DIAPH3: variants seen among roughly 807,000 people sequenced by gnomAD.
DIAPH3 encodes protein diaphanous homolog 3.
Under a neutral mutation model 144.3 loss-of-function variants are expected in DIAPH3, and 117 were observed. The observed-to-expected ratio is 0.81, with a 90% CI of 0.70 to 0.95. DIAPH3 has a LOEUF of 0.95. DIAPH3 is among the 40% of genes least tolerant of loss of function. DIAPH3 has a pLI of 0.00. For missense variants in DIAPH3, 1,421 were observed against 1,412.7 expected (o/e 1.01, Z -0.09); for synonymous variants, 519 against 488.9 (o/e 1.06, Z -0.81).
At chr13:59,863,254 C>A (rs1384912902) in intron 21 of DIAPH3, among the ~76,000 whole-genome samples, 1 of 151,644 alleles carries the variant, frequency 6.6e-6, no homozygotes, top group Non-Finnish European at 1.5e-5. Context: ...ATTAAGTAAT[C>A]ATTTAGAGCA....
At chr13:60,010,508 A>T (rs1478794300) in intron 8 of DIAPH3, 25 bp downstream of exon 8, 2 of 1,545,344 alleles carry the variant, frequency 1.3e-6, no homozygotes, top group Non-Finnish European at 1.8e-6. Context: ...TTATATAATT[A>T]GGGGAATATG....
intron 4 of DIAPH3, among the ~76,000 whole-genome samples, chr13:60,076,102 A>G (rs1331048063): frequency 2.0e-5 from 3 of 152,208 alleles, no homozygotes; most frequent in African/African-American, 4.8e-5. Flanking sequence ...TGTTCCAACC[A>G]TAAGTCTAAT....
chr13:60,078,259 A>C (rs181688780), intron 4 of DIAPH3, among the ~76,000 whole-genome samples: 59 of 152,284 alleles, frequency 3.9e-4, no homozygotes, highest in African/African-American at 1.3e-3. Flanking sequence ...CTACTAACTC[A>C]ATAGGCAAAA....
At chr13:59,711,705 A>T (rs2034754492) in intron 27 of DIAPH3, among the ~76,000 whole-genome samples, 1 of 152,210 alleles carries the variant, frequency 6.6e-6, no homozygotes, top group East Asian at 1.9e-4. Flanking sequence ...GAACTTAATA[A>T]TTTTTGGCCT....
intron 2 of DIAPH3, among the ~76,000 whole-genome samples, chr13:60,113,791 A>T (rs2058632117): frequency 6.6e-6 from 1 of 152,222 alleles, no homozygotes; most frequent in Admixed American, 6.5e-5. Flanking sequence ...AGCCAGCCAA[A>T]TATTTAAGGA....
chr13:60,147,203 A>C (rs1484240576), intron 1 of DIAPH3: 1 of 152,234 alleles, frequency 6.6e-6, no homozygotes, highest in Non-Finnish European at 1.5e-5. Flanking sequence ...CAAGAATACC[A>C]TAGGAAAATT....
chr13:59,746,195 C>A (rs1301801421), intron 27 of DIAPH3, among the ~76,000 whole-genome samples: 1 of 152,014 alleles, frequency 6.6e-6, no homozygotes, highest in Non-Finnish European at 1.5e-5. Flanking sequence ...CAAGTACCAA[C>A]AAGAAAAATA....
At chr13:59,734,686 C>A (rs1385667734) in intron 27 of DIAPH3, among the ~76,000 whole-genome samples, 1 of 152,158 alleles carries the variant, frequency 6.6e-6, no homozygotes, top group African/African-American at 2.4e-5. Context: ...TAGCAACGAC[C>A]CAGTCCCTGC....
intron 21 of DIAPH3, among the ~76,000 whole-genome samples, chr13:59,864,196 A>C (rs1373871407): frequency 6.6e-6 from 1 of 152,080 alleles, no homozygotes; most frequent in African/African-American, 2.4e-5. Flanking sequence ...GTTTCGTTAC[A>C]ATCCTATAAT....
At chr13:60,090,653 T>C (rs534136924) in intron 4 of DIAPH3, among the ~76,000 whole-genome samples, 14 of 152,314 alleles carry the variant, frequency 9.2e-5, no homozygotes, top group African/African-American at 2.9e-4. Context: ...GCTTTTTCAA[T>C]AGTCATTAAT....
intron 27 of DIAPH3, among the ~76,000 whole-genome samples, chr13:59,746,961 A>G (rs1372645500): frequency 6.6e-6 from 1 of 152,216 alleles, no homozygotes; most frequent in African/African-American, 2.4e-5. Flanking sequence ...CACAAGTTAT[A>G]AAATCATAAT....
intron 4 of DIAPH3, among the ~76,000 whole-genome samples, chr13:60,079,282 A>G (rs1299057343): frequency 6.6e-6 from 1 of 152,106 alleles, no homozygotes; most frequent in Non-Finnish European, 1.5e-5. Context: ...TTTATAATAC[A>G]TAGTAAGCAA....
intron 27 of DIAPH3, among the ~76,000 whole-genome samples, chr13:59,668,319 T>C (rs2032141727): frequency 6.6e-6 from 1 of 152,196 alleles, no homozygotes; most frequent in East Asian, 1.9e-4. Flanking sequence ...CAGCTAAATG[T>C]AGAATGTTGG....
At chr13:59,960,355 T>A (rs1216728385) in intron 17 of DIAPH3, among the ~76,000 whole-genome samples, 1 of 152,208 alleles carries the variant, frequency 6.6e-6, no homozygotes, top group Admixed American at 6.5e-5. Context: ...TAATGGCATA[T>A]AGTTCACTCA....
chr13:59,906,113 G>C (rs1033586062), intron 20 of DIAPH3, among the ~76,000 whole-genome samples: 2 of 152,170 alleles, frequency 1.3e-5, no homozygotes, highest in African/African-American at 4.8e-5. Flanking sequence ...CTAATGCACT[G>C]CCTTCAAATA....
rs183235993 is a variant in DIAPH3 at position 59,955,517 on chromosome 13, A to G, written c.2074+14427T>C. The stretch of plus-strand genomic sequence containing the variant: ...CTTTATGAATTACCCAGTCTCGGGT[A>G]TATCTTTATTAGCAGCATGAGAAGC... On this transcript the variant is annotated intron_variant, in intron 17 of 27. Coordinates refer to ENST00000400324, the MANE Select transcript of DIAPH3 (RefSeq NM_001042517.2). Among the ~76,000 whole-genome samples, 10 of 152,284 alleles carry G rather than the reference A, an allele frequency of 6.6e-5. No individual in the cohort carries two copies. In the East Asian group the frequency reaches 1.7e-3, roughly 26 times the overall value.
chr13:59,728,768 T>C (rs1279511381), intron 27 of DIAPH3, among the ~76,000 whole-genome samples: 1 of 152,050 alleles, frequency 6.6e-6, no homozygotes, highest in Non-Finnish European at 1.5e-5. Flanking sequence ...CACAGGAAAG[T>C]ATTGATATTT....
intron 1 of DIAPH3, among the ~76,000 whole-genome samples, chr13:60,142,526 C>T (rs982373227): frequency 1.3e-5 from 2 of 152,150 alleles, no homozygotes; most frequent in African/African-American, 4.8e-5. Context: ...GAGGACCCCT[C>T]GGAAGTTTGA....
chr13:59,816,424 A>G (rs1300599176), intron 24 of DIAPH3, among the ~76,000 whole-genome samples: 1 of 151,642 alleles, frequency 6.6e-6, no homozygotes, highest in African/African-American at 2.4e-5. Flanking sequence ...TTCCAATACT[A>G]TCCTACAAAT....
Sources: gnomAD v4.1 joint callset for allele counts (sites outside exome capture counted in the v4.1 genomes callset) on GRCh38, gnomAD v4.1.1 for gene constraint, MANE v1.5 for transcripts, NCBI Gene and HGNC (gene_info 2026-07-23, HGNC 2026-07-21) for gene names.